The following SLC24A4 variants were observed in gnomAD, a reference collection of about 807,000 sequenced individuals.
SLC24A4 encodes the protein solute carrier family 24 member 4.
Under a neutral mutation model 79.0 loss-of-function variants are expected in SLC24A4, and 53 were observed. The observed-to-expected ratio is 0.67, with a 90% CI of 0.54 to 0.84. SLC24A4 has a LOEUF of 0.84. Among genes scored for constraint, SLC24A4 ranks in the 40% least tolerant of loss-of-function variants. SLC24A4 has a pLI of 0.00. For missense variants in SLC24A4, 731 were observed against 822.0 expected (o/e 0.89, Z 1.35); for synonymous variants, 323 against 323.8 (o/e 1.00, Z 0.03).
rs954087431 is a variant in SLC24A4, at chr14:92,496,057, A to T, written c.*2429A>T. On this transcript the variant is annotated 3_prime_UTR_variant, in exon 17 of 17. Transcript: ENST00000532405. Reference sequence around the variant, plus strand: ...GTAGCTTTCAGAGCACACGTATCCTAATTACCCTCCTCTTCCTCAGCAGAA... The same window carrying T: ...GTAGCTTTCAGAGCACACGTATCCTTATTACCCTCCTCTTCCTCAGCAGAA... The T allele has an allele frequency of 6.6e-6, 1 of 152,528 alleles. No individual in the cohort carries two copies. Among genetic ancestry groups the T allele is most frequent in the Non-Finnish European group, 1.5e-5 (1 of 68,048 alleles). 9.4% of individuals were successfully genotyped at this position (152,528 alleles called of 1,614,324 possible).
intron 2 of SLC24A4, among the ~76,000 whole-genome samples, chr14:92,343,634 TTCTTTC>T (rs1484282955): frequency 2.1e-5 from 2 of 97,524 alleles, no homozygotes; most frequent in Non-Finnish European, 4.5e-5. Flanking sequence ...CTTTCTTTCT[TTCTTTC>T]TCTCTTTCCT....
chr14:92,473,685 C>A (rs1009268046), intron 12 of SLC24A4, among the ~76,000 whole-genome samples: 11 of 152,140 alleles, frequency 7.2e-5, no homozygotes, highest in Non-Finnish European at 1.2e-4. Context: ...TCGGGCAGCC[C>A]CTATCTCCCC....
chr14:92,431,743 T>C (rs1031279170), intron 2 of SLC24A4, among the ~76,000 whole-genome samples: 15 of 152,162 alleles, frequency 9.9e-5, no homozygotes, highest in African/African-American at 3.6e-4. Context: ...GGCGTGAGGC[T>C]GAACAAGTAG....
intron 14 of SLC24A4, among the ~76,000 whole-genome samples, chr14:92,491,259 CTG>C (rs1895656963): frequency 6.6e-6 from 1 of 152,164 alleles, no homozygotes; most frequent in African/African-American, 2.4e-5. Flanking sequence ...TTTAATAAAA[CTG>C]TCATTAAATT....
intron 12 of SLC24A4, among the ~76,000 whole-genome samples, chr14:92,463,378 G>A (rs1250423222): frequency 6.6e-6 from 1 of 152,180 alleles, no homozygotes; most frequent in Admixed American, 6.5e-5. Flanking sequence ...TGCAGGAAAT[G>A]GGGATGCTGT....
At chr14:92,472,882 G>T (rs1423235142) in intron 12 of SLC24A4, among the ~76,000 whole-genome samples, 1 of 152,144 alleles carries the variant, frequency 6.6e-6, no homozygotes, top group Non-Finnish European at 1.5e-5. Context: ...CATAGTGGTT[G>T]TCCTAGTTGA....
chr14:92,362,392 C>G (rs948938164), intron 2 of SLC24A4, among the ~76,000 whole-genome samples: 6 of 152,208 alleles, frequency 3.9e-5, no homozygotes, highest in African/African-American at 1.4e-4. Context: ...TCCCATCTCT[C>G]CAGTTCCTCT....
intron 13 of SLC24A4, among the ~76,000 whole-genome samples, chr14:92,483,561 G>A (rs1166987536): frequency 6.6e-6 from 1 of 152,206 alleles, no homozygotes. Flanking sequence ...TTTGCAGGCA[G>A]AGAGGCATTG....
At chr14:92,473,087 A>G (rs1894525963) in intron 12 of SLC24A4, among the ~76,000 whole-genome samples, 1 of 152,216 alleles carries the variant, frequency 6.6e-6, no homozygotes, top group Non-Finnish European at 1.5e-5. Flanking sequence ...TGTGAGTACA[A>G]AAAACCTTTT....
At position 92,401,210 on chromosome 14, in the gene SLC24A4, A is replaced by C. The variant is rs544781205; in HGVS notation, c.242-32702A>C. ...GCAACACTTGCAAATCAAGTCGATA[A>C]GAATTTTTTGCGCCCCATTGTGTGC... On this transcript the variant is annotated intron_variant, in intron 2 of 16. Coordinates refer to ENST00000532405, the MANE Select transcript of SLC24A4 (RefSeq NM_153646.4). Among the ~76,000 whole-genome samples the C allele has an allele frequency of 7.2e-5, 11 of 152,302 alleles. 1 individual carries two copies. In the South Asian group the frequency reaches 2.1e-3, roughly 29 times the overall value.
intron 7 of SLC24A4, among the ~76,000 whole-genome samples, chr14:92,444,263 A>T (rs1352809934): frequency 6.6e-6 from 1 of 152,214 alleles, no homozygotes; most frequent in Non-Finnish European, 1.5e-5. Flanking sequence ...ATATTTCAGT[A>T]TGTAAATGTT....
intron 13 of SLC24A4, chr14:92,484,042 G>A (rs1343603499): frequency 1.0e-6 from 1 of 985,244 alleles, no homozygotes; most frequent in Non-Finnish European, 1.2e-6. Flanking sequence ...ACAGAAGCTG[G>A]TGACTCCCTC....
intron 7 of SLC24A4, 36 bp from the exon 8 acceptor site, chr14:92,445,281 C>T (rs987144095): frequency 4.3e-6 from 7 of 1,613,224 alleles, no homozygotes; most frequent in Non-Finnish European, 5.9e-6. Flanking sequence ...ATAAATATGT[C>T]CCACCCACCT....
intron 7 of SLC24A4, among the ~76,000 whole-genome samples, chr14:92,444,482 A>T (rs1412877992): frequency 6.6e-6 from 1 of 152,226 alleles, no homozygotes; most frequent in Non-Finnish European, 1.5e-5. Context: ...AAGTATAATC[A>T]TTCCTTAATT....
chr14:92,372,920 T>TTCCTTCCTCCCTTC (rs1220049614), intron 2 of SLC24A4, among the ~76,000 whole-genome samples: 1 of 83,496 alleles, frequency 1.2e-5, no homozygotes, highest in Non-Finnish European at 2.5e-5. Context: ...TTCCTTCCTT[T>TTCCTTCCTCCCTTC]CTTTCTCTTT....
intron 12 of SLC24A4, among the ~76,000 whole-genome samples, chr14:92,460,966 T>C (rs1326639191): frequency 6.6e-6 from 1 of 152,082 alleles, no homozygotes; most frequent in African/African-American, 2.4e-5. Flanking sequence ...CAGAGGCTGG[T>C]AATTAGGCCT....
At chr14:92,339,934 G>A (rs1886029663) in intron 2 of SLC24A4, among the ~76,000 whole-genome samples, 1 of 152,238 alleles carries the variant, frequency 6.6e-6, no homozygotes, top group African/African-American at 2.4e-5. Context: ...TGTCTTACTT[G>A]GGGTGTCAAG....
intron 2 of SLC24A4, among the ~76,000 whole-genome samples, chr14:92,418,440 A>C (rs930570394): frequency 7.2e-5 from 11 of 152,226 alleles, no homozygotes; most frequent in African/African-American, 2.7e-4. Context: ...CCAGAGAAGC[A>C]GAGCCCATGG....
intron 2 of SLC24A4, among the ~76,000 whole-genome samples, chr14:92,327,859 A>T (rs562352937): frequency 6.6e-6 from 1 of 152,318 alleles, no homozygotes; most frequent in South Asian, 2.1e-4. Context: ...GAACTTGATA[A>T]TATCTTTAAA....
Sources: allele counts gnomAD v4.1 joint callset (sites outside exome capture counted in the v4.1 genomes callset), GRCh38; gene constraint gnomAD v4.1.1; transcripts MANE v1.5; gene names NCBI Gene and HGNC (gene_info 2026-07-23, HGNC 2026-07-21).